MBP: variants seen among roughly 807,000 people sequenced by gnomAD.
The protein encoded by MBP is myelin basic protein.
In MBP, 16 loss-of-function variants were observed where a neutral mutation model predicts 35.8. The ratio of observed to expected loss-of-function variants is 0.45; its 90% confidence interval spans 0.30 to 0.68. MBP has a LOEUF of 0.68. Ranked by LOEUF, MBP falls within the 30% of genes least tolerant of loss-of-function variation. The pLI, the probability that MBP is intolerant of heterozygous loss-of-function variation, is 0.08. For synonymous variants in MBP, 143 were observed against 159.6 expected, an observed-to-expected ratio of 0.90 and a Z score of 0.78; for missense variants, 380 against 404.7, an observed-to-expected ratio of 0.94 and a Z score of 0.52.
chr18:77,063,225 C>T (rs1179363875), intron 3 of MBP, among the ~76,000 whole-genome samples: 2 of 152,182 alleles, frequency 1.3e-5, no homozygotes, highest in African/African-American at 4.8e-5. Context: ...TCCTTCAGCA[C>T]TCTGCGCCTT....
intron 2 of MBP, among the ~76,000 whole-genome samples, chr18:77,086,930 A>G (rs1975258701): frequency 6.6e-6 from 1 of 152,268 alleles, no homozygotes; most frequent in Non-Finnish European, 1.5e-5. Flanking sequence ...TTCACTTCGA[A>G]ACGCATTGCA....
chr18:77,078,797 T>C (rs1348739328), intron 2 of MBP, among the ~76,000 whole-genome samples: 1 of 152,344 alleles, frequency 6.6e-6, no homozygotes, highest in East Asian at 1.9e-4. Flanking sequence ...GGGCTGCCCC[T>C]GGGGTCGGGT....
At chr18:76,985,544 T>C in intron 7 of MBP, 1 of 1,131,478 alleles carries the variant, frequency 8.8e-7, no homozygotes. Flanking sequence ...TCAGTCTCCC[T>C]TGGCCATAGC....
chr18:77,085,777 C>T (rs147436251), intron 2 of MBP, among the ~76,000 whole-genome samples: 1 of 151,436 alleles, frequency 6.6e-6, no homozygotes, highest in African/African-American at 2.4e-5. Context: ...CTCCACCTCC[C>T]GGTTTCAAGC....
chr18:76,990,259 G>A (rs1969821288), intron 4 of MBP, among the ~76,000 whole-genome samples, 199 bp from the exon 5 acceptor site: 1 of 151,818 alleles, frequency 6.6e-6, no homozygotes, highest in Non-Finnish European at 1.5e-5. Flanking sequence ...TCAACTCCAC[G>A]AACAGTAAGA....
chr18:77,031,473 G>A (rs1345248150), intron 3 of MBP, among the ~76,000 whole-genome samples: 1 of 152,230 alleles, frequency 6.6e-6, no homozygotes, highest in Non-Finnish European at 1.5e-5. Flanking sequence ...TAAGAAAAAG[G>A]AGGCAGGGAG....
At chr18:77,116,680 G>A (rs1279123524) in intron 1 of MBP, among the ~76,000 whole-genome samples, 1 of 152,148 alleles carries the variant, frequency 6.6e-6, no homozygotes, top group Admixed American at 6.5e-5. Flanking sequence ...CCAACACGGC[G>A]AAACCCCGTC....
rs1568267385 is a variant in MBP at position 76,989,123 on chromosome 18, AG to A, written c.682-212del. ...ATGATGCAGATCTCCCAGAGCACTC[AG>A]GAAGTGTTTCAGAGGATGGAAAACA... On this transcript the variant is annotated intron_variant, in intron 5 of 8. Transcript: ENST00000355994. The surrounding 1 kb of genome is among the most constrained non-coding windows in gnomAD (Gnocchi z 4.0). 1.4e-6 allele frequency: 1 copy of A among 696,926 alleles called. No individual in the cohort carries two copies. The highest frequency in any genetic ancestry group is 2.0e-5 in the Admixed American group (1 of 49,898). 43.2% of individuals were successfully genotyped at this position (696,926 alleles called of 1,614,324 possible).
intron 2 of MBP, chr18:77,087,658 AGGAGG>A (rs1160608058): frequency 2.8e-5 from 4 of 143,056 alleles, no homozygotes; most frequent in Non-Finnish European, 3.0e-5. Context: ...ACACCGCAGG[AGGAGG>A]GGAGGGGAGG....
At chr18:77,058,002 A>G (rs1231470575) in intron 3 of MBP, among the ~76,000 whole-genome samples, 2 of 61,452 alleles carry the variant, frequency 3.3e-5, no homozygotes, top group South Asian at 1.4e-3. Context: ...AATTTTTTGT[A>G]TTTTTTTTTT....
At chr18:77,098,190 A>C (rs1385095198) in intron 2 of MBP, among the ~76,000 whole-genome samples, 9 of 33,516 alleles carry the variant, frequency 2.7e-4, no homozygotes, top group African/African-American at 5.4e-4. Flanking sequence ...TTTTTTTTTT[A>C]CAATAATAGC....
At position 77,016,901 on chromosome 18, in the gene MBP, C is replaced by G. The variant is rs577730388; in HGVS notation, c.507G>C (p.Thr169=). 11 of 1,614,232 alleles carry G rather than the reference C, an allele frequency of 6.8e-6. No individual in the cohort carries two copies. The East Asian group carries it at 2.0e-4, about 29-fold the overall frequency. ...AGCGCCCGATGGAGTCAAGGATGCC[C>G]GTGTCTCTGTGCCTTGGGAGGAAGC... ...RHGFLPRHRD[T]GILDSIGRFF... is the part of the protein sequence containing the mutation. Residue 169 remains threonine, a synonymous_variant, in exon 4 of 9, where the codon ACG becomes ACC. Coordinates refer to ENST00000355994, the MANE Select transcript of MBP (RefSeq NM_001025101.2).
intron 3 of MBP, among the ~76,000 whole-genome samples, chr18:77,051,249 G>A (rs72988984): frequency 0.066 from 10,060 of 152,194 alleles, 377 homozygotes; most frequent in African/African-American, 0.083. Flanking sequence ...CTCATGAAAC[G>A]TTCCCATTTC....
intron 3 of MBP, among the ~76,000 whole-genome samples, chr18:77,058,458 G>A (rs970957004): frequency 1.3e-5 from 2 of 152,146 alleles, no homozygotes; most frequent in African/African-American, 4.8e-5. Context: ...GCCTCCGGCA[G>A]ACCCCAGCCC....
At chr18:77,047,222 G>A (rs1172581921) in intron 3 of MBP, among the ~76,000 whole-genome samples, 1 of 152,242 alleles carries the variant, frequency 6.6e-6, no homozygotes, top group Non-Finnish European at 1.5e-5. Context: ...CAGCCAAAGG[G>A]TGGCAGCCAC....
At chr18:77,060,468 T>TTA (rs11422817) in intron 3 of MBP, among the ~76,000 whole-genome samples, 6 of 132,998 alleles carry the variant, frequency 4.5e-5, no homozygotes, top group African/African-American at 1.0e-4. Context: ...TTTTTTTTTT[T>TTA]ATGAGGCGGA....
chr18:77,051,944 T>C (rs1033798946), intron 3 of MBP, among the ~76,000 whole-genome samples: 3 of 152,120 alleles, frequency 2.0e-5, no homozygotes, highest in Non-Finnish European at 2.9e-5. Flanking sequence ...GAAGGATTCA[T>C]CTGAGAAACC....
intron 3 of MBP, among the ~76,000 whole-genome samples, chr18:77,029,004 G>T (rs562638008): frequency 9.2e-6 from 1 of 108,216 alleles, no homozygotes; most frequent in East Asian, 2.8e-4. Flanking sequence ...CTTCCCAGAC[G>T]GGGTGGCGGC....
intron 4 of MBP, among the ~76,000 whole-genome samples, chr18:76,991,291 C>G (rs1969898800): frequency 6.6e-6 from 1 of 152,138 alleles, no homozygotes. Context: ...CCAGAACACT[C>G]CAGGTCACTA....
Sources: allele counts gnomAD v4.1 joint callset (sites outside exome capture counted in the v4.1 genomes callset), GRCh38; gene constraint gnomAD v4.1.1; non-coding constraint Gnocchi (gnomAD v3.1); transcripts MANE v1.5; gene names NCBI Gene and HGNC (gene_info 2026-07-23, HGNC 2026-07-21).